Variants in SEL1L3 observed in about 807,000 individuals in gnomAD.
SEL1L3 encodes SEL1L family member 3.
SEL1L3 carries 76 observed loss-of-function variants against 142.8 expected under a neutral mutation model. The observed-to-expected ratio is 0.53, with a 90% CI of 0.44 to 0.64. The LOEUF (loss-of-function observed/expected upper bound fraction) is 0.64. SEL1L3 is among the 30% of genes least tolerant of loss of function. The pLI is 0.00. For missense variants in SEL1L3, 1,262 were observed against 1,381.7 expected (o/e 0.91, Z 1.37); for synonymous variants, 504 against 519.6 (o/e 0.97, Z 0.41).
intron 20 of SEL1L3, among the ~76,000 whole-genome samples, chr4:25,764,675 T>C (rs1193451125): frequency 1.3e-5 from 2 of 152,212 alleles, no homozygotes; most frequent in African/African-American, 4.8e-5. Context: ...GAAACACCCT[T>C]CTGTTTGGAG....
At chr4:25,827,576 T>G (rs907506689) in intron 6 of SEL1L3, among the ~76,000 whole-genome samples, 2 of 152,202 alleles carry the variant, frequency 1.3e-5, no homozygotes, top group African/African-American at 4.8e-5. Context: ...CCACTTCATT[T>G]TGGCACTTGG....
chr4:25,735,176 T>C, the SEL1L3 span, among the ~76,000 whole-genome samples: 2 of 152,198 alleles, frequency 1.3e-5, no homozygotes, highest in Non-Finnish European at 2.9e-5. Flanking sequence ...ATTCAATTTC[T>C]TATAAGCTAT....
chr4:25,758,509 T>C (rs868721299), intron 21 of SEL1L3, among the ~76,000 whole-genome samples: 1 of 152,054 alleles, frequency 6.6e-6, no homozygotes, highest in South Asian at 2.1e-4. Flanking sequence ...GCTAATCGGA[T>C]TGTTATTCTT....
At chr4:25,844,500 C>G (rs999460896) in intron 2 of SEL1L3, among the ~76,000 whole-genome samples, 2 of 152,168 alleles carry the variant, frequency 1.3e-5, no homozygotes, top group Non-Finnish European at 2.9e-5. Context: ...AGAAAAATCC[C>G]ACTGTGCTGT....
chr4:25,758,903 T>C, intron 21 of SEL1L3, 38 bp downstream of exon 21: 2 of 1,579,140 alleles, frequency 1.3e-6, no homozygotes, highest in Admixed American at 3.8e-5. Flanking sequence ...CTACTTGGGT[T>C]CCCTCAGATT....
At position 25,862,799 on chromosome 4, in the gene SEL1L3, T is replaced by G; in HGVS notation, c.38A>C (p.Gln13Pro). The part of the protein sequence containing the change: ...RRGAGLGWPR[Q>P]QQQQPPPLAV... ...GAGCGGCGGGGGTTGCTGCTGCTGC[T>G]GCCGCGGCCACCCGAGCCCCGCGCC... is the stretch of plus-strand genomic sequence containing the variant. The change falls in exon 1 of 24, where the codon CAG becomes CCG. Residue 13 changes from glutamine (Q) to proline (P), a missense_variant. Gln to Pro is a moderately conservative substitution (Grantham distance 76). Around this residue, in one of 3 missense-constraint regions of SEL1L3, gnomAD observed 689 missense variants for 692.8 expected, o/e 0.99. Transcript: ENST00000399878. The G allele has an allele frequency of 8.5e-7, 1 of 1,172,614 alleles. No homozygotes were observed. Among genetic ancestry groups the G allele is most frequent in the Non-Finnish European group, 1.1e-6 (1 of 951,000 alleles). 72.6% of individuals were successfully genotyped at this position (1,172,614 alleles called of 1,614,324 possible).
intron 14 of SEL1L3, among the ~76,000 whole-genome samples, chr4:25,782,846 C>T (rs994355324): frequency 6.6e-6 from 1 of 152,112 alleles, no homozygotes; most frequent in Non-Finnish European, 1.5e-5. Context: ...GATTCCTCTG[C>T]CCTGAACACC....
At chr4:25,753,820 C>A (rs570729072) in intron 23 of SEL1L3, among the ~76,000 whole-genome samples, 1 of 152,118 alleles carries the variant, frequency 6.6e-6, no homozygotes, top group South Asian at 2.1e-4. Flanking sequence ...CCCATCTCTA[C>A]TAAAAGTACA....
chr4:25,828,834 G>C (rs1715261538), intron 6 of SEL1L3, among the ~76,000 whole-genome samples: 1 of 152,168 alleles, frequency 6.6e-6, no homozygotes, highest in Non-Finnish European at 1.5e-5. Context: ...TGTTTGGAGA[G>C]GCAGCATTCT....
the SEL1L3 span, among the ~76,000 whole-genome samples, chr4:25,714,079 C>G: frequency 6.6e-6 from 1 of 152,034 alleles, no homozygotes; most frequent in Non-Finnish European, 1.5e-5. Flanking sequence ...CCAAAGTTGT[C>G]TTAAGTACTT....
chr4:25,848,994 T>C lies in SEL1L3; in HGVS notation c.163-1130A>G, dbSNP rs555974371. On this transcript the variant is annotated intron_variant, in intron 1 of 23. Coordinates refer to ENST00000399878, the MANE Select transcript of SEL1L3 (RefSeq NM_015187.5). Reference sequence around the variant, plus strand: ...TCTTTACTAATAATACAAAAATCAGTTGGGCAAGGTGGTGCACACCTGTAA... The same window carrying C: ...TCTTTACTAATAATACAAAAATCAGCTGGGCAAGGTGGTGCACACCTGTAA... 2.0e-5 allele frequency among the ~76,000 whole-genome samples: 3 copies of C among 152,148 alleles called. No homozygotes were observed. The East Asian group carries it at 5.8e-4, about 29-fold the overall frequency.
intron 23 of SEL1L3, among the ~76,000 whole-genome samples, chr4:25,753,059 T>C (rs1192498754): frequency 6.6e-6 from 1 of 152,252 alleles, no homozygotes; most frequent in Admixed American, 6.5e-5. Flanking sequence ...CAAGGTCACA[T>C]AGCTAGCTAC....
At chr4:25,717,170 A>G in the SEL1L3 span, among the ~76,000 whole-genome samples, 2 of 152,010 alleles carry the variant, frequency 1.3e-5, no homozygotes, top group African/African-American at 4.8e-5. Context: ...TAATCCATAA[A>G]TATATACACC....
chr4:25,749,484 A>G (rs1049805158), intron 23 of SEL1L3, among the ~76,000 whole-genome samples: 2 of 152,182 alleles, frequency 1.3e-5, no homozygotes, highest in Non-Finnish European at 2.9e-5. Context: ...ACAGGAAGTT[A>G]GTCATTATCT....
chr4:25,729,644 G>A, the SEL1L3 span, among the ~76,000 whole-genome samples: 7 of 152,196 alleles, frequency 4.6e-5, no homozygotes, highest in African/African-American at 1.7e-4. Flanking sequence ...AACCTGGAAG[G>A]TGGAGTCTGC....
At chr4:25,741,331 C>T in the SEL1L3 span, among the ~76,000 whole-genome samples, 2 of 151,786 alleles carry the variant, frequency 1.3e-5, no homozygotes, top group Non-Finnish European at 2.9e-5. Context: ...GAACTCCTGA[C>T]GTCAAGTAAT....
chr4:25,817,537 T>C (rs1291633670), intron 9 of SEL1L3, among the ~76,000 whole-genome samples: 1 of 152,220 alleles, frequency 6.6e-6, no homozygotes, highest in Admixed American at 6.5e-5. Flanking sequence ...ATTCCTGAGA[T>C]GATGCTTAAA....
chr4:25,807,624 A>AG (rs1196023617), intron 9 of SEL1L3, among the ~76,000 whole-genome samples: 2 of 152,054 alleles, frequency 1.3e-5, no homozygotes, highest in African/African-American at 4.8e-5. Flanking sequence ...TGCCTAACTA[A>AG]GATGATGAAT....
chr4:25,726,527 C>CAAA, the SEL1L3 span, among the ~76,000 whole-genome samples: 1 of 123,078 alleles, frequency 8.1e-6, no homozygotes, highest in Non-Finnish European at 1.7e-5. Flanking sequence ...GACTTGGTCT[C>CAAA]AAAAAAAAAA....
Sources: allele counts gnomAD v4.1 joint callset (sites outside exome capture counted in the v4.1 genomes callset), GRCh38; gene constraint gnomAD v4.1.1; regional missense constraint gnomAD v4.1.1; transcripts MANE v1.5; gene names NCBI Gene and HGNC (gene_info 2026-07-23, HGNC 2026-07-21).